ADAMTS15: variants seen among roughly 807,000 people sequenced by gnomAD.
ADAMTS15 encodes the protein A disintegrin and metalloproteinase with thrombospondin motifs 15.
Under a neutral mutation model 79.1 loss-of-function variants are expected in ADAMTS15, and 35 were observed. That is an observed-to-expected ratio of 0.44 (90% CI 0.34 to 0.59). The LOEUF (loss-of-function observed/expected upper bound fraction) is 0.59, where lower values mean the gene tolerates loss of function less well. Among genes scored for constraint, ADAMTS15 ranks in the 20% least tolerant of loss-of-function variants. The pLI, the probability that ADAMTS15 is intolerant of heterozygous loss-of-function variation, is 0.02. For synonymous variants in ADAMTS15, 616 were observed against 567.3 expected (o/e 1.09, Z -1.22); for missense variants, 1,324 against 1,318.7 (o/e 1.00, Z -0.06).
rs769794337 is a variant in ADAMTS15, at chr11:130,470,908, C to T, written c.1721-12C>T. ...TCCCCTCAACTTCTTTCTTATGCTT[C>T]TCCCTCCCTAGCCTCCGGAAAGAGC... On this transcript the variant is annotated splice_polypyrimidine_tract_variant and intron_variant, in intron 5 of 7. Transcript: ENST00000299164. 2 of 1,609,930 alleles carry T rather than the reference C, an allele frequency of 1.2e-6. No homozygotes were observed. The highest frequency in any genetic ancestry group is 8.5e-7 in the Non-Finnish European group (1 of 1,178,102).
intron 1 of ADAMTS15, among the ~76,000 whole-genome samples, chr11:130,458,195 A>G (rs1200701396): frequency 6.6e-6 from 1 of 152,038 alleles, no homozygotes; most frequent in Non-Finnish European, 1.5e-5. Context: ...TGAGCATTCA[A>G]TCTGGTCTAG....
At chr11:130,457,455 G>T (rs1938108033) in intron 1 of ADAMTS15, among the ~76,000 whole-genome samples, 1 of 152,030 alleles carries the variant, frequency 6.6e-6, no homozygotes, top group African/African-American at 2.4e-5. Context: ...TTTAAGGTGT[G>T]GCTCCAATCC....
At chr11:130,465,156 C>T (rs898546899) in intron 4 of ADAMTS15, among the ~76,000 whole-genome samples, 3 of 152,090 alleles carry the variant, frequency 2.0e-5, no homozygotes, top group African/African-American at 7.2e-5. Context: ...CTTTCTTCCT[C>T]CTTTTCAGCT....
rs1592153485 is a variant in ADAMTS15, at chr11:130,475,677, C to G, written c.*1856C>G. 2 of 152,660 alleles carry G rather than the reference C, an allele frequency of 1.3e-5. No individual in the cohort carries two copies. The highest frequency in any genetic ancestry group is 3.9e-4 in the East Asian group (2 of 5,188). 9.5% of individuals were successfully genotyped at this position (152,660 alleles called of 1,614,324 possible). ...GCGGGGGCAGAGGGGGTGCCAGTCT[C>G]TGAGGCAGGGCTGCAGTCACCCCTG... On this transcript the variant is annotated 3_prime_UTR_variant, in exon 8 of 8. Coordinates refer to ENST00000299164, the MANE Select transcript of ADAMTS15 (RefSeq NM_139055.4).
chr11:130,450,756 A>T (rs1291493103), intron 1 of ADAMTS15, among the ~76,000 whole-genome samples: 2 of 152,184 alleles, frequency 1.3e-5, no homozygotes, highest in Admixed American at 6.5e-5. Flanking sequence ...CCAGATGTAT[A>T]CTACAGAGCA....
At chr11:130,466,013 C>T (rs1592148438) in intron 4 of ADAMTS15, among the ~76,000 whole-genome samples, 1 of 152,106 alleles carries the variant, frequency 6.6e-6, no homozygotes. Context: ...GCTGGGATTA[C>T]AGGCGCCCGC....
chr11:130,460,315 C>T (rs527812094), intron 1 of ADAMTS15, among the ~76,000 whole-genome samples: 10 of 148,628 alleles, frequency 6.7e-5, no homozygotes, highest in African/African-American at 9.9e-5. Flanking sequence ...TTGCTCTTGT[C>T]GCCCACGCTG....
At chr11:130,466,935 C>A (rs1393343276) in intron 4 of ADAMTS15, among the ~76,000 whole-genome samples, 1 of 152,154 alleles carries the variant, frequency 6.6e-6, no homozygotes, top group Admixed American at 6.5e-5. Flanking sequence ...TAATCCAGAG[C>A]AGCCCTTCCC....
Position 130,471,091 on chromosome 11 carries a change from T to C in ADAMTS15, c.1892T>C (p.Leu631Pro). Residue 631 changes from leucine (L) to proline (P), a missense_variant, in exon 6 of 8, where the codon CTG becomes CCG. Transcript: ENST00000299164. ...AATGGCACTGGCTACTTCTATGTGC[T>C]GGCACCCAAGGTGAGTGAGCCTGGG... is the stretch of plus-strand genomic sequence containing the variant. ...RANGTGYFYV[L>P]APKVVDGTLC... is the part of the protein sequence containing the mutation. 6.2e-7 allele frequency: 1 copy of C among 1,613,464 alleles called. No homozygotes were observed. Among genetic ancestry groups the C allele is most frequent in the Non-Finnish European group, 8.5e-7 (1 of 1,179,688 alleles).
At chr11:130,471,805 A>G (rs1938467176) in intron 7 of ADAMTS15, among the ~76,000 whole-genome samples, 1 of 152,212 alleles carries the variant, frequency 6.6e-6, no homozygotes, top group East Asian at 1.9e-4. Context: ...AATATATTTC[A>G]TGTGTGCTCT....
chr11:130,450,231 GC>G, intron 1 of ADAMTS15: 1 of 985,470 alleles, frequency 1.0e-6, no homozygotes, highest in African/African-American at 1.7e-5. Context: ...GGAAGTTGCC[GC>G]CCCGGAGCTG....
rs1210673468 is a variant in ADAMTS15 at position 130,461,365 on chromosome 11, G to C, written c.958-124G>C. ...AAGAAGAGCCCAGCTGGAAGGTGCT[G>C]GGCCTGGTGAGGTTGGAATGAGATG... On this transcript the variant is annotated intron_variant, in intron 1 of 7. Transcript: ENST00000299164. 1.4e-5 allele frequency: 19 copies of C among 1,383,866 alleles called. No individual in the cohort carries two copies. The Admixed American group carries it at 3.7e-4, about 27-fold the overall frequency. The allele number at this position is 1,383,866 out of a possible 1,614,324, so 85.7% of individuals were successfully genotyped here.
At chr11:130,468,028 C>T (rs986078739) in intron 4 of ADAMTS15, among the ~76,000 whole-genome samples, 1 of 152,188 alleles carries the variant, frequency 6.6e-6, no homozygotes, top group Non-Finnish European at 1.5e-5. Flanking sequence ...TTTTTATCCG[C>T]AGGGCTGGGG....
At position 130,449,168 on chromosome 11, in the gene ADAMTS15, C is replaced by G. The variant is rs374330728; in HGVS notation, c.195C>G (p.Tyr65Ter). The G allele has an allele frequency of 1.1e-5, 17 of 1,611,446 alleles. No individual in the cohort carries two copies. Among genetic ancestry groups the G allele is most frequent in the Non-Finnish European group, 1.4e-5 (17 of 1,178,048 alleles). Reference sequence around the variant, plus strand: ...TCACAGCATTTCAGGAGGACTTTTACCTACACCTGACGCCGGATGCTCAGT... The same window carrying G: ...TCACAGCATTTCAGGAGGACTTTTAGCTACACCTGACGCCGGATGCTCAGT... ...FQITAFQEDF[Y>*]LHLTPDAQFL... Residue 65 changes from tyrosine to a stop codon, truncating the protein, a stop_gained, in exon 1 of 8, where the codon TAC (tyrosine) becomes TAG (stop). Coordinates refer to ENST00000299164, the MANE Select transcript of ADAMTS15 (RefSeq NM_139055.4). LOFTEE classifies it high-confidence loss of function. This position sits in a 1 kb window ranked among gnomAD's most constrained non-coding sequence, Gnocchi z 7.8.
At position 130,473,232 on chromosome 11, in the gene ADAMTS15, G is replaced by T. The variant is rs983879197; in HGVS notation, c.2264G>T (p.Ser755Ile). ...AVERDLVVKG[S>I]LLRYSGTGTA... ...GAGCGGGACCTGGTGGTGAAGGGCAGTCTGCTGCGGTACAGCGGCACGGGC... is the reference window on the plus strand; with the variant it reads ...GAGCGGGACCTGGTGGTGAAGGGCATTCTGCTGCGGTACAGCGGCACGGGC... Residue 755 changes from serine to isoleucine, a missense_variant, in exon 8 of 8, where the codon AGT (serine) becomes ATT (isoleucine). Physicochemically the swap from Ser to Ile is moderately radical, Grantham distance 142 (BLOSUM62 -2). Transcript: ENST00000299164. The T allele has an allele frequency of 1.2e-6, 2 of 1,613,658 alleles. No individual in the cohort carries two copies. The highest frequency in any genetic ancestry group is 1.3e-5 in the African/African-American group (1 of 74,956).
rs1035280202 is a variant in ADAMTS15, at chr11:130,462,802, G to T, written c.1542+22G>T. 3 of 1,562,596 alleles carry T rather than the reference G, an allele frequency of 1.9e-6. No homozygotes were observed. Among genetic ancestry groups the T allele is most frequent in the Non-Finnish European group, 2.6e-6 (3 of 1,147,484 alleles). ...CAGGGTGAGTGAGTGCTGGAGCTGC[G>T]CTCGGGGACTGCTGGGAGGAGGGAT... On this transcript the variant is annotated intron_variant, in intron 4 of 7. Coordinates refer to ENST00000299164, the MANE Select transcript of ADAMTS15 (RefSeq NM_139055.4). This position sits in a 1 kb window ranked among gnomAD's most constrained non-coding sequence, Gnocchi z 4.3.
intron 5 of ADAMTS15, among the ~76,000 whole-genome samples, chr11:130,470,193 T>TATATATATATATATATAC: frequency 1.9e-5 from 1 of 53,122 alleles, no homozygotes; most frequent in African/African-American, 9.5e-5. Context: ...TGTGTATATA[T>TATATATATATATATATAC]ATATATATAT....
chr11:130,450,339 G>C lies in ADAMTS15; in HGVS notation c.957+409G>C, dbSNP rs146972814. The C allele has an allele frequency of 4.1e-6, 4 of 985,462 alleles. No homozygotes were observed. In the East Asian group the frequency reaches 3.4e-4, roughly 84 times the overall value. The allele number at this position is 985,462 out of a possible 1,614,324, so 61.0% of individuals were successfully genotyped here. ...ATTGTATGGGCGGCTGAGTCTTCTCGGACACCTCCTGAGGTCTCCTTTCAA... is the reference window on the plus strand; with the variant it reads ...ATTGTATGGGCGGCTGAGTCTTCTCCGACACCTCCTGAGGTCTCCTTTCAA... On this transcript the variant is annotated intron_variant, in intron 1 of 7. Coordinates refer to ENST00000299164, the MANE Select transcript of ADAMTS15 (RefSeq NM_139055.4).
chr11:130,453,036 G>C (rs1937996945), intron 1 of ADAMTS15, among the ~76,000 whole-genome samples: 1 of 152,176 alleles, frequency 6.6e-6, no homozygotes, highest in Non-Finnish European at 1.5e-5. Context: ...CCATGGGATG[G>C]GGAGCTTACA....
Sources: gnomAD v4.1 joint callset for allele counts (sites outside exome capture counted in the v4.1 genomes callset) on GRCh38, gnomAD v4.1.1 for gene constraint, Gnocchi (gnomAD v3.1) non-coding constraint, MANE v1.5 for transcripts, NCBI Gene and HGNC (gene_info 2026-07-23, HGNC 2026-07-21) for gene names.